The following TOX2 variants were observed in gnomAD, a reference collection of about 807,000 sequenced individuals.
TOX2 encodes TOX high mobility group box family member 2, also known as granulosa cell HMG box 1.
In TOX2, 15 loss-of-function variants were observed where a neutral mutation model predicts 47.4. That is an observed-to-expected ratio of 0.32 (90% CI 0.21 to 0.49). TOX2 has a LOEUF of 0.49. Among genes scored for constraint, TOX2 ranks in the 20% least tolerant of loss-of-function variants. TOX2 has a pLI of 0.99. For missense variants in TOX2, 622 were observed against 673.1 expected, an observed-to-expected ratio of 0.92 and a Z score of 0.84; for synonymous variants, 290 against 296.6, an observed-to-expected ratio of 0.98 and a Z score of 0.23.
chr20:43,946,090 C>A (rs753141627), intron 1 of TOX2: 7 of 1,604,610 alleles, frequency 4.4e-6, no homozygotes, highest in Non-Finnish European at 5.9e-6. Flanking sequence ...CAGGCCGTCA[C>A]TGTGGGCTGA....
chr20:44,043,908 C>T (rs537253297), intron 3 of TOX2, among the ~76,000 whole-genome samples: 7 of 152,156 alleles, frequency 4.6e-5, no homozygotes, highest in Admixed American at 3.9e-4. Flanking sequence ...AGAAATGGAC[C>T]CAGCCATCCC....
At chr20:44,011,273 T>A (rs2070774072) in intron 3 of TOX2, among the ~76,000 whole-genome samples, 1 of 152,180 alleles carries the variant, frequency 6.6e-6, no homozygotes, top group Admixed American at 6.5e-5. Flanking sequence ...ACAGTGATCC[T>A]CAGCTGTGCG....
intron 3 of TOX2, among the ~76,000 whole-genome samples, chr20:44,027,153 A>G (rs557701147): frequency 3.9e-5 from 6 of 152,376 alleles, no homozygotes; most frequent in African/African-American, 1.2e-4. Context: ...GGGTGGCCAA[A>G]GAGATTTCAA....
chr20:43,966,026 C>A (rs1000959526), intron 1 of TOX2, among the ~76,000 whole-genome samples: 3 of 152,170 alleles, frequency 2.0e-5, no homozygotes, highest in African/African-American at 7.2e-5. Flanking sequence ...TAATAGGTAA[C>A]ATTTATTAAG....
intron 1 of TOX2, among the ~76,000 whole-genome samples, chr20:43,964,718 C>G (rs1440759950): frequency 6.6e-6 from 1 of 152,196 alleles, no homozygotes; most frequent in Non-Finnish European, 1.5e-5. Context: ...TGAGCCTTAC[C>G]TTGCTCATCT....
chr20:43,994,461 A>C (rs12480990), intron 2 of TOX2, among the ~76,000 whole-genome samples: 1,830 of 78,542 alleles, frequency 0.023, 56 homozygotes, highest in Admixed American at 0.093. Context: ...CCTGTCTCCA[A>C]AAAAAAAAAA....
intron 2 of TOX2, among the ~76,000 whole-genome samples, chr20:43,984,294 A>G (rs1474117474): frequency 6.6e-6 from 1 of 152,218 alleles, no homozygotes; most frequent in Admixed American, 6.5e-5. Context: ...AAGACCATAG[A>G]TTTTGTTCAA....
In TOX2 at chr20:44,066,867, C is replaced by CG. The variant is rs2071833056; in HGVS notation, c.1484+11dup. ...GCATCAGCACCTGCAGGTTAGTCCT[C>CG]GCCCGTCCCTGCCTTTGTCCTGCCA... On this transcript the variant is annotated intron_variant, in intron 8 of 8. Coordinates refer to ENST00000341197, the MANE Select transcript of TOX2 (RefSeq NM_001098797.2). 1 of 1,609,374 alleles carries CG rather than the reference C, an allele frequency of 6.2e-7. No individual in the cohort carries two copies. The highest frequency in any genetic ancestry group is 1.3e-5 in the African/African-American group (1 of 74,868).
rs779716371 is a variant in TOX2 at position 44,068,670 on chromosome 20, C to T, written c.1505C>T (p.Ser502Leu). 6.8e-6 allele frequency: 11 copies of T among 1,613,666 alleles called. No homozygotes were observed. Among genetic ancestry groups the T allele is most frequent in the East Asian group, 2.2e-5 (1 of 44,840 alleles). ...CACAGCCTGCTCCCCAGGGACAAAT[C>T]GCTCTACCTCACCTAATCCCGCCTC... ...STCSLLPRDK[S>L]LYLT The change falls in exon 9 of 9, where the codon TCG becomes TTG. Residue 502 changes from serine to leucine, a missense_variant. Physicochemically the swap from Ser to Leu is moderately radical, Grantham distance 145. This residue lies in a region of TOX2 where 294 missense variants were observed against 300.0 expected (regional missense o/e 0.98). Coordinates refer to ENST00000341197, the MANE Select transcript of TOX2 (RefSeq NM_001098797.2).
intron 1 of TOX2, among the ~76,000 whole-genome samples, chr20:43,943,803 C>T (rs139209834): frequency 6.6e-6 from 1 of 152,326 alleles, no homozygotes; most frequent in East Asian, 1.9e-4. Context: ...CTTCTTGCAA[C>T]ATCAACAAAT....
At chr20:43,970,195 C>T (rs1190449942) in intron 1 of TOX2, among the ~76,000 whole-genome samples, 1 of 152,230 alleles carries the variant, frequency 6.6e-6, no homozygotes, top group African/African-American at 2.4e-5. Context: ...AATCCCATCT[C>T]TCCCCAGCTG....
At chr20:44,014,147 A>AAG (rs1326716428) in intron 3 of TOX2, among the ~76,000 whole-genome samples, 3 of 151,114 alleles carry the variant, frequency 2.0e-5, no homozygotes, top group Non-Finnish European at 4.4e-5. Context: ...AAAAAAAAAA[A>AAG]AAAAAAAAGG....
At chr20:43,993,871 G>A (rs969170306) in intron 2 of TOX2, among the ~76,000 whole-genome samples, 2 of 152,290 alleles carry the variant, frequency 1.3e-5, no homozygotes, top group Non-Finnish European at 2.9e-5. Flanking sequence ...TGTAATTTGA[G>A]GCTGGGCACA....
rs571012968 is a variant in TOX2, at chr20:44,039,127, C to T, written c.412-12179C>T. 26 of 1,260,604 alleles carry T rather than the reference C, an allele frequency of 2.1e-5. No individual in the cohort carries two copies. The East Asian group carries it at 2.2e-4, about 11-fold the overall frequency. The allele number at this position is 1,260,604 out of a possible 1,614,324, so 78.1% of individuals were successfully genotyped here. A position where few individuals can be genotyped will look rare whatever the true frequency, so the allele number is the denominator to read the frequency against. On this transcript the variant is annotated intron_variant, in intron 3 of 8. Coordinates refer to ENST00000341197, the MANE Select transcript of TOX2 (RefSeq NM_001098797.2). ...GGTGTCTCTGCACTTGAGCAGATGC[C>T]GGGAGGCAACGTGTGGAGAGCTCTG...
At chr20:43,924,393 G>T (rs529483547) in intron 1 of TOX2, among the ~76,000 whole-genome samples, 2 of 152,304 alleles carry the variant, frequency 1.3e-5, no homozygotes, top group East Asian at 3.9e-4. Context: ...GATGCTCCAG[G>T]GTGGGATTCC....
chr20:44,062,778 G>C (rs1033564888), intron 5 of TOX2, among the ~76,000 whole-genome samples: 3 of 150,448 alleles, frequency 2.0e-5, no homozygotes, highest in Non-Finnish European at 3.0e-5. Flanking sequence ...GCATGGTACT[G>C]GTATAAAAAT....
Position 44,009,287 on chromosome 20 carries a change from G to A in TOX2, c.411+2495G>A, listed in dbSNP as rs551458550. ...TCCTCTGTGTATTTTTATAAGGCAC[G>A]TCACATTTTTTTGTTTGTTTTTGAA... On this transcript the variant is annotated intron_variant, in intron 3 of 8. Coordinates refer to ENST00000341197, the MANE Select transcript of TOX2 (RefSeq NM_001098797.2). Among the ~76,000 whole-genome samples the A allele has an allele frequency of 5.9e-5, 9 of 152,218 alleles. No individual in the cohort carries two copies. In the East Asian group the frequency reaches 1.2e-3, roughly 20 times the overall value.
At chr20:43,976,778 G>GCACA (rs1555835301) in intron 2 of TOX2, among the ~76,000 whole-genome samples, 2 of 130,632 alleles carry the variant, frequency 1.5e-5, no homozygotes, top group African/African-American at 7.1e-5. Flanking sequence ...ACGCGAGCGC[G>GCACA]CGCGCACACA....
intron 4 of TOX2, 131 bp downstream of exon 4, chr20:44,051,676 G>A (rs1360338562): frequency 1.8e-5 from 25 of 1,368,056 alleles, no homozygotes; most frequent in Admixed American, 2.9e-5. Context: ...CCCCGTAGGT[G>A]CCATTCCCAC....
Sources: allele counts gnomAD v4.1 joint callset (sites outside exome capture counted in the v4.1 genomes callset), GRCh38; gene constraint gnomAD v4.1.1; regional missense constraint gnomAD v4.1.1; transcripts MANE v1.5; gene names NCBI Gene and HGNC (gene_info 2026-07-23, HGNC 2026-07-21).